TLK1: variants seen among roughly 807,000 people sequenced by gnomAD.
TLK1 encodes the protein serine/threonine-protein kinase tousled-like 1.
Under a neutral mutation model 105.3 loss-of-function variants are expected in TLK1, and 24 were observed. The observed-to-expected ratio is 0.23, with a 90% CI of 0.17 to 0.32. The LOEUF is 0.32. TLK1 is among the 10% of genes least tolerant of loss of function. The pLI is 1.00. For synonymous variants in TLK1, 321 were observed against 310.4 expected (o/e 1.03, Z -0.36); for missense variants, 558 against 910.5 (o/e 0.61, Z 4.98).
chr2:171,061,386 T>A (rs563067085), intron 3 of TLK1, among the ~76,000 whole-genome samples: 3 of 152,358 alleles, frequency 2.0e-5, no homozygotes, highest in East Asian at 3.9e-4. Context: ...GATATTCAGT[T>A]ACAGAATTTG....
At chr2:171,085,453 G>T (rs1001053359) in intron 2 of TLK1, among the ~76,000 whole-genome samples, 4 of 151,914 alleles carry the variant, frequency 2.6e-5, no homozygotes, top group Non-Finnish European at 5.9e-5. Context: ...GTTGTCAGTT[G>T]TTGTTTTTTA....
chr2:171,165,712 A>C (rs1454562935), upstream of TLK1, among the ~76,000 whole-genome samples: 5 of 152,174 alleles, frequency 3.3e-5, no homozygotes, highest in African/African-American at 1.2e-4. Flanking sequence ...GGAGTTCGAG[A>C]CCAGCCTGAC....
chr2:171,148,524 T>C (rs937092259), intron 1 of TLK1, among the ~76,000 whole-genome samples: 3 of 152,124 alleles, frequency 2.0e-5, no homozygotes, highest in Non-Finnish European at 4.4e-5. Flanking sequence ...AAGTAACTTT[T>C]AGGCAATGTT....
intron 10 of TLK1, among the ~76,000 whole-genome samples, chr2:171,049,454 G>A (rs1323002994): frequency 6.6e-6 from 1 of 152,040 alleles, no homozygotes; most frequent in Non-Finnish European, 1.5e-5. Flanking sequence ...ATTGGGGAAT[G>A]GGAAAAAACT....
chr2:171,072,863 T>C (rs557701766), intron 3 of TLK1, among the ~76,000 whole-genome samples: 14 of 137,900 alleles, frequency 1.0e-4, no homozygotes, highest in Admixed American at 3.9e-4. Context: ...GGGGAGGTGG[T>C]GGTTGCAGTG....
chr2:171,028,347 G>A lies in TLK1; in HGVS notation c.1228C>T (p.Leu410Phe), dbSNP rs1020821905. The part of the protein sequence containing the change: ...EEIFKLRLGH[L>F]KKEEAEIQAE... ...GCATATGTTTCACATACCTTTTTGAGATGTCCTAGTCTAAGTTTGAAAATT... is the reference window on the plus strand; with the variant it reads ...GCATATGTTTCACATACCTTTTTGAAATGTCCTAGTCTAAGTTTGAAAATT... Residue 410 changes from leucine (L) to phenylalanine (F), a missense_variant, in exon 12 of 21, where the codon CTC becomes TTC. By Grantham distance (22) the Leu-to-Phe change is conservative (BLOSUM62 0). This residue lies in a region of TLK1 where 218 missense variants were observed against 492.9 expected (regional missense o/e 0.44). Transcript: ENST00000431350. The A allele has an allele frequency of 6.2e-7, 1 of 1,605,470 alleles. No homozygotes were observed. Among genetic ancestry groups the A allele is most frequent in the Non-Finnish European group, 8.5e-7 (1 of 1,173,580 alleles).
chr2:171,197,025 TTTCC>T (rs905866179), intron 1 of TLK1, among the ~76,000 whole-genome samples: 3 of 152,230 alleles, frequency 2.0e-5, no homozygotes, highest in African/African-American at 7.2e-5. Flanking sequence ...GAAATGTTTC[TTTCC>T]TCCTGGAAGC....
chr2:171,178,913 T>G (rs188166260), intron 1 of TLK1, among the ~76,000 whole-genome samples: 40 of 152,348 alleles, frequency 2.6e-4, no homozygotes, highest in African/African-American at 8.4e-4. Flanking sequence ...AAATTTTATA[T>G]ATACTTTTTA....
chr2:171,215,237 A>ACT (rs1305316506), intron 1 of TLK1, among the ~76,000 whole-genome samples: 2 of 151,498 alleles, frequency 1.3e-5, no homozygotes, highest in African/African-American at 2.4e-5. Context: ...CGCCGTGCCC[A>ACT]CTCTCTCTCT....
At chr2:171,125,454 A>G (rs1183925121) in intron 1 of TLK1, among the ~76,000 whole-genome samples, 1 of 152,160 alleles carries the variant, frequency 6.6e-6, no homozygotes. Flanking sequence ...TTTTGACATG[A>G]TGGATACACA....
At chr2:171,193,362 A>AT (rs1290607591) in intron 1 of TLK1, among the ~76,000 whole-genome samples, 1 of 149,838 alleles carries the variant, frequency 6.7e-6, no homozygotes, top group African/African-American at 2.5e-5. Context: ...GTGACTGTTA[A>AT]TTTTTTTTGT....
intron 11 of TLK1, among the ~76,000 whole-genome samples, chr2:171,044,925 G>A (rs1686874167): frequency 6.6e-6 from 1 of 152,160 alleles, no homozygotes; most frequent in South Asian, 2.1e-4. Context: ...TTAAGAAAGG[G>A]CAACTGGAAG....
Position 171,117,046 on chromosome 2 carries a change from A to G in TLK1, c.258+693T>C, listed in dbSNP as rs962612027. ...GGTCTATCACTGAAAGGCTGAACACAGCAATACCTAATCTTTTTGGCACCC... is the reference window on the plus strand; with the variant it reads ...GGTCTATCACTGAAAGGCTGAACACGGCAATACCTAATCTTTTTGGCACCC... On this transcript the variant is annotated intron_variant, in intron 2 of 20. Coordinates refer to ENST00000431350, the MANE Select transcript of TLK1 (RefSeq NM_012290.5). 2.6e-5 allele frequency among the ~76,000 whole-genome samples: 4 copies of G among 152,212 alleles called. No homozygotes were observed. In the East Asian group the frequency reaches 7.7e-4, roughly 29 times the overall value.
At chr2:171,118,760 T>A (rs994297682) in intron 1 of TLK1, among the ~76,000 whole-genome samples, 1 of 152,162 alleles carries the variant, frequency 6.6e-6, no homozygotes, top group Non-Finnish European at 1.5e-5. Context: ...GAATCCAGAA[T>A]GACTTGGGGA....
chr2:171,175,088 C>A (rs866239330), intron 1 of TLK1, among the ~76,000 whole-genome samples: 5 of 151,978 alleles, frequency 3.3e-5, no homozygotes, highest in Middle Eastern at 6.8e-3. Flanking sequence ...AAAATCAGCC[C>A]CAGGTGCGGT....
intron 1 of TLK1, among the ~76,000 whole-genome samples, chr2:171,158,341 T>C (rs1692315653): frequency 6.6e-6 from 1 of 152,142 alleles, no homozygotes; most frequent in African/African-American, 2.4e-5. Context: ...CCCACTGTAA[T>C]CTAAACTGCC....
chr2:171,059,336 T>C (rs913218421), intron 4 of TLK1, among the ~76,000 whole-genome samples: 1 of 152,220 alleles, frequency 6.6e-6, no homozygotes, highest in Non-Finnish European at 1.5e-5. Context: ...GGAAATTTTG[T>C]TCTGTTAACA....
At chr2:171,092,466 A>G (rs1689279394) in intron 2 of TLK1, among the ~76,000 whole-genome samples, 2 of 152,194 alleles carry the variant, frequency 1.3e-5, no homozygotes, top group Non-Finnish European at 2.9e-5. Flanking sequence ...TTAATTCTAA[A>G]TATTAATCAA....
chr2:171,159,862 A>C (rs1276983265), intron 1 of TLK1: 1 of 157,672 alleles, frequency 6.3e-6, no homozygotes, highest in Non-Finnish European at 1.4e-5. Context: ...GCGCGGGAGA[A>C]GGGGAGGGGG....
Sources: allele counts gnomAD v4.1 joint callset (sites outside exome capture counted in the v4.1 genomes callset), GRCh38; gene constraint gnomAD v4.1.1; regional missense constraint gnomAD v4.1.1; transcripts MANE v1.5; gene names NCBI Gene and HGNC (gene_info 2026-07-23, HGNC 2026-07-21).